Variants in VWA8 observed in about 807,000 individuals in gnomAD.
VWA8 encodes the protein von Willebrand factor A domain containing 8, also known as von Willebrand factor A domain-containing protein 8.
In VWA8, 221 loss-of-function variants were observed where a neutral mutation model predicts 241.5. The ratio of observed to expected loss-of-function variants is 0.91; its 90% confidence interval spans 0.82 to 1.02. VWA8 has a LOEUF of 1.02. VWA8 is among the 50% of genes least tolerant of loss of function. The probability of loss-of-function intolerance (pLI) is 0.00; values close to 1 mark genes in which losing one functional copy is unlikely to be tolerated. For missense variants in VWA8, 2,322 were observed against 2,328.7 expected (o/e 1.00, Z 0.06); for synonymous variants, 852 against 827.1 (o/e 1.03, Z -0.52).
At chr13:41,876,258 T>C (rs1300361960) in intron 9 of VWA8, among the ~76,000 whole-genome samples, 2 of 151,992 alleles carry the variant, frequency 1.3e-5, no homozygotes, top group Admixed American at 1.3e-4. Flanking sequence ...TACAACACAT[T>C]CCTCAAAACC....
chr13:41,883,282 G>A (rs1874351011), intron 9 of VWA8, 105 bp downstream of exon 9: 4 of 813,476 alleles, frequency 4.9e-6, no homozygotes, highest in Non-Finnish European at 7.9e-6. Context: ...TAAGGATGGG[G>A]AGAGAAAAAT....
At chr13:41,772,437 G>A (rs2045831125) in intron 20 of VWA8, among the ~76,000 whole-genome samples, 1 of 138,478 alleles carries the variant, frequency 7.2e-6, no homozygotes, top group Non-Finnish European at 1.6e-5. Flanking sequence ...GTCATACTGT[G>A]ACAAAAAAAC....
chr13:41,806,777 C>A (rs1315707952), intron 17 of VWA8, among the ~76,000 whole-genome samples: 1 of 151,254 alleles, frequency 6.6e-6, no homozygotes, highest in Non-Finnish European at 1.5e-5. Context: ...ACTCAGGAGG[C>A]AGAGGCAGGA....
intron 20 of VWA8, among the ~76,000 whole-genome samples, chr13:41,773,366 C>T (rs1868419830): frequency 6.6e-6 from 1 of 152,142 alleles, no homozygotes; most frequent in Non-Finnish European, 1.5e-5. Context: ...CATGAAATAC[C>T]ATTGACCAAT....
In VWA8 at chr13:41,961,085, G is replaced by A. The variant is rs1186055863; in HGVS notation, c.-70C>T. 39 of 1,306,050 alleles carry A rather than the reference G, an allele frequency of 3.0e-5. No homozygotes were observed. The East Asian group carries it at 1.2e-3, about 39-fold the overall frequency. The allele number at this position is 1,306,050 out of a possible 1,614,324, so 80.9% of individuals were successfully genotyped here. A position where few individuals can be genotyped will look rare whatever the true frequency, so the allele number is the denominator to read the frequency against. On this transcript the variant is annotated 5_prime_UTR_variant, in exon 1 of 45. Coordinates refer to ENST00000379310, the MANE Select transcript of VWA8 (RefSeq NM_015058.2). ...GAGCGGCGTCCCGTGCAGGCACCGT[G>A]AGGCAGCGCGGAGAAGGGGACAGGA...
chr13:41,798,417 T>C (rs1478134744), intron 17 of VWA8, among the ~76,000 whole-genome samples: 1 of 152,174 alleles, frequency 6.6e-6, no homozygotes, highest in Non-Finnish European at 1.5e-5. Context: ...GAAAATGTAT[T>C]CCGCTAGGCA....
intron 2 of VWA8, among the ~76,000 whole-genome samples, chr13:41,932,549 C>T (rs1877172053): frequency 6.6e-6 from 1 of 151,842 alleles, no homozygotes; most frequent in Non-Finnish European, 1.5e-5. Flanking sequence ...TGTACAAATC[C>T]TAAACAAAAT....
At chr13:41,761,988 C>A (rs1249751307) in intron 20 of VWA8, among the ~76,000 whole-genome samples, 1 of 152,056 alleles carries the variant, frequency 6.6e-6, no homozygotes, top group Non-Finnish European at 1.5e-5. Flanking sequence ...ATCATACATG[C>A]TAGCAAAAAT....
intron 37 of VWA8, among the ~76,000 whole-genome samples, chr13:41,636,322 G>A (rs962145287): frequency 6.6e-6 from 1 of 152,124 alleles, no homozygotes; most frequent in Non-Finnish European, 1.5e-5. Flanking sequence ...AACAAGAAAT[G>A]GGGAAAGGAT....
chr13:41,844,059 C>A (rs1204598141), intron 12 of VWA8, among the ~76,000 whole-genome samples: 1 of 152,062 alleles, frequency 6.6e-6, no homozygotes, highest in African/African-American at 2.4e-5. Context: ...AGGCCAATAC[C>A]CTTGAGGAAC....
intron 1 of VWA8, among the ~76,000 whole-genome samples, chr13:41,956,483 CA>C (rs1187299264): frequency 2.0e-5 from 3 of 152,192 alleles, no homozygotes; most frequent in Non-Finnish European, 4.4e-5. Flanking sequence ...CTTGAATACA[CA>C]ATGGGGTCAG....
intron 29 of VWA8, among the ~76,000 whole-genome samples, chr13:41,695,257 G>A (rs975614959): frequency 1.4e-4 from 22 of 152,098 alleles, no homozygotes; most frequent in Non-Finnish European, 1.2e-4. Context: ...ATGGGGAGTG[G>A]GGGAAGGGGA....
intron 1 of VWA8, among the ~76,000 whole-genome samples, chr13:41,959,180 G>A (rs1878475847): frequency 6.6e-6 from 1 of 152,114 alleles, no homozygotes; most frequent in African/African-American, 2.4e-5. Context: ...GCATTAATAT[G>A]TGCCACAGAT....
intron 9 of VWA8, among the ~76,000 whole-genome samples, chr13:41,872,455 C>G (rs1258025352): frequency 6.6e-6 from 1 of 152,168 alleles, no homozygotes; most frequent in Non-Finnish European, 1.5e-5. Flanking sequence ...ACGTTTAAGT[C>G]TTTAATTCAT....
rs77665623 is a variant in VWA8, at chr13:41,638,438, G to C, written c.4612-23354C>G. 5.3e-3 allele frequency among the ~76,000 whole-genome samples: 811 copies of C among 152,288 alleles called. 5 individuals carry two copies. The highest frequency in any genetic ancestry group is 0.019 in the African/African-American group (774 of 41,560). On this transcript the variant is annotated intron_variant, in intron 37 of 44. Transcript: ENST00000379310. ...TGAAATGAGAATTTAAAGTGAAGAG[G>C]GCTCAGGGGAGAAATGAATCAGTGA...
intron 9 of VWA8, among the ~76,000 whole-genome samples, chr13:41,873,051 T>G (rs1873714383): frequency 6.6e-6 from 1 of 152,166 alleles, no homozygotes; most frequent in Non-Finnish European, 1.5e-5. Context: ...TCCTAGGTAT[T>G]TTATTCTCTT....
chr13:41,698,156 G>T (rs2137824038), intron 29 of VWA8, among the ~76,000 whole-genome samples: 1 of 151,582 alleles, frequency 6.6e-6, no homozygotes, highest in Admixed American at 6.6e-5. Flanking sequence ...TTTGCTTATT[G>T]TCTATCTTCC....
Position 41,721,453 on chromosome 13 carries a change from C to A in VWA8, c.2881G>T (p.Glu961Ter). 6.2e-7 allele frequency: 1 copy of A among 1,613,914 alleles called. No homozygotes were observed. The highest frequency in any genetic ancestry group is 2.2e-5 in the East Asian group (1 of 44,880). ...CCTTGGTCAGCCAAACTCCTCAGCTCTCCAAAGGCAGCCACAAGCTTCTGA... is the reference window on the plus strand; with the variant it reads ...CCTTGGTCAGCCAAACTCCTCAGCTATCCAAAGGCAGCCACAAGCTTCTGA... ...ILQKLVAAFGELRSLADQGII... is the reference protein window; with the variant it reads ...ILQKLVAAFG Residue 961 changes from glutamate to a stop codon, truncating the protein, a stop_gained, in exon 25 of 45, where the codon GAG (glutamate) becomes TAG (stop). Coordinates refer to ENST00000379310, the MANE Select transcript of VWA8 (RefSeq NM_015058.2). LOFTEE classifies it high-confidence loss of function.
chr13:41,635,269 G>A (rs1289940644), intron 37 of VWA8, among the ~76,000 whole-genome samples: 1 of 152,150 alleles, frequency 6.6e-6, no homozygotes, highest in Non-Finnish European at 1.5e-5. Context: ...GGATGGGAAA[G>A]TGAAAGAGTG....
Sources: gnomAD v4.1 joint callset for allele counts (sites outside exome capture counted in the v4.1 genomes callset) on GRCh38, gnomAD v4.1.1 for gene constraint, MANE v1.5 for transcripts, NCBI Gene and HGNC (gene_info 2026-07-23, HGNC 2026-07-21) for gene names.